STXBP5L: variants seen among roughly 807,000 people sequenced by gnomAD.
The protein encoded by STXBP5L is syntaxin binding protein 5L.
STXBP5L carries 65 observed loss-of-function variants against 144.5 expected under a neutral mutation model. The observed-to-expected ratio is 0.45, with a 90% CI of 0.37 to 0.55. The LOEUF is 0.55. Among genes scored for constraint, STXBP5L ranks in the 20% least tolerant of loss-of-function variants. STXBP5L has a pLI of 0.00. For synonymous variants in STXBP5L, 505 were observed against 469.6 expected, an observed-to-expected ratio of 1.08 and a Z score of -0.97; for missense variants, 1,298 against 1,405.5, an observed-to-expected ratio of 0.92 and a Z score of 1.22.
chr3:121,033,871 A>T (rs913552333), intron 3 of STXBP5L, among the ~76,000 whole-genome samples: 1 of 152,082 alleles, frequency 6.6e-6, no homozygotes, highest in Non-Finnish European at 1.5e-5. Context: ...CATGAATTAA[A>T]CTGATTAATA....
intron 21 of STXBP5L, among the ~76,000 whole-genome samples, chr3:121,380,714 T>TAAC (rs2046304400): frequency 6.6e-6 from 1 of 152,032 alleles, no homozygotes; most frequent in Non-Finnish European, 1.5e-5. Flanking sequence ...GAATTAAAGG[T>TAAC]AACAGCCTGA....
In STXBP5L at chr3:121,348,864, C is replaced by T. The variant is rs150126460; in HGVS notation, c.2177-29852C>T. Among the ~76,000 whole-genome samples, 1,294 of 151,936 alleles carry T rather than the reference C, an allele frequency of 8.5e-3. 28 individuals carry two copies. The highest frequency in any genetic ancestry group is 0.029 in the African/African-American group (1,197 of 41,392). On this transcript the variant is annotated intron_variant, in intron 20 of 26. Coordinates refer to ENST00000471454, the MANE Select transcript of STXBP5L (RefSeq NM_001308330.2). ...CTTCTCTCTTTTCTTCTTTATTATT[C>T]TTACTAGCAGTCTATCAATTTTGTT...
chr3:121,233,239 C>T (rs1247017357), intron 11 of STXBP5L, among the ~76,000 whole-genome samples: 2 of 152,126 alleles, frequency 1.3e-5, no homozygotes, highest in Non-Finnish European at 2.9e-5. Flanking sequence ...ATACTATTCC[C>T]TCAGTACATC....
intron 7 of STXBP5L, among the ~76,000 whole-genome samples, chr3:121,125,137 A>G (rs1326011839): frequency 6.6e-6 from 1 of 152,166 alleles, no homozygotes. Flanking sequence ...GTGAAGTGCA[A>G]GAAGGAACAA....
In STXBP5L at chr3:121,334,636, T is replaced by C. The variant is rs139711212; in HGVS notation, c.2176+16096T>C. 2.8e-3 allele frequency among the ~76,000 whole-genome samples: 428 copies of C among 151,722 alleles called. 4 individuals are homozygous for C. The highest frequency in any genetic ancestry group is 9.7e-3 in the African/African-American group (400 of 41,074). On this transcript the variant is annotated intron_variant, in intron 20 of 26. Transcript: ENST00000471454. ...ATCCAGCAACACATCAAAAAGCTAT[T>C]CCACCACAATCAAGTAGGCTTTATC...
intron 3 of STXBP5L, among the ~76,000 whole-genome samples, chr3:121,009,861 A>G (rs141971782): frequency 6.6e-6 from 1 of 151,912 alleles, no homozygotes; most frequent in African/African-American, 2.4e-5. Flanking sequence ...TGAATGATGA[A>G]TGTTCCCTAT....
rs114252180 is a variant in STXBP5L at position 121,161,663 on chromosome 3, C to T, written c.877+4036C>T. On this transcript the variant is annotated intron_variant, in intron 9 of 26. Coordinates refer to ENST00000471454, the MANE Select transcript of STXBP5L (RefSeq NM_001308330.2). Reference sequence around the variant, plus strand: ...TGGTTGCTGCTGTTGCTGCAAACATCGATTTTTCCTATTCAATGATTTCAA... The same window carrying T: ...TGGTTGCTGCTGTTGCTGCAAACATTGATTTTTCCTATTCAATGATTTCAA... Among the ~76,000 whole-genome samples, 471 of 151,966 alleles carry T rather than the reference C, an allele frequency of 3.1e-3. 6 individuals carry two copies. Among genetic ancestry groups the T allele is most frequent in the African/African-American group, 0.011 (450 of 41,490 alleles).
chr3:121,162,467 C>T (rs1460403091), intron 9 of STXBP5L, among the ~76,000 whole-genome samples: 1 of 152,084 alleles, frequency 6.6e-6, no homozygotes, highest in African/African-American at 2.4e-5. Flanking sequence ...CATAAAAACC[C>T]TAGAAGAAAA....
chr3:120,959,890 C>A (rs925114092), intron 3 of STXBP5L, among the ~76,000 whole-genome samples: 1 of 152,000 alleles, frequency 6.6e-6, no homozygotes, highest in African/African-American at 2.4e-5. Flanking sequence ...GCAACAAAAG[C>A]CAAAATTGAC....
chr3:121,412,085 A>G (rs1026284871), intron 23 of STXBP5L, among the ~76,000 whole-genome samples: 1 of 152,180 alleles, frequency 6.6e-6, no homozygotes, highest in African/African-American at 2.4e-5. Flanking sequence ...TTGGATCTTA[A>G]GACCCATGTC....
chr3:120,960,551 CAT>C (rs1938649289), intron 3 of STXBP5L, among the ~76,000 whole-genome samples: 1 of 152,158 alleles, frequency 6.6e-6, no homozygotes, highest in South Asian at 2.1e-4. Flanking sequence ...AAATATGACA[CAT>C]ATACACCATG....
intron 22 of STXBP5L, among the ~76,000 whole-genome samples, chr3:121,390,922 G>A (rs1049967969): frequency 1.3e-5 from 2 of 152,112 alleles, no homozygotes; most frequent in African/African-American, 2.4e-5. Context: ...GAATTTGAAT[G>A]TTGGCCTGCC....
chr3:121,090,230 G>T (rs2042711094), intron 5 of STXBP5L, among the ~76,000 whole-genome samples: 2 of 152,216 alleles, frequency 1.3e-5, no homozygotes, highest in East Asian at 1.9e-4. Context: ...GCAGGGGAAG[G>T]TCAGATGTTG....
chr3:121,214,370 C>G (rs745741090), intron 10 of STXBP5L, among the ~76,000 whole-genome samples: 33 of 152,270 alleles, frequency 2.2e-4, no homozygotes, highest in Non-Finnish European at 4.6e-4. Context: ...TCTCTAAACA[C>G]TGATTTAGCT....
intron 19 of STXBP5L, among the ~76,000 whole-genome samples, chr3:121,290,603 AAAAAG>A (rs1354712681): frequency 1.3e-5 from 2 of 152,144 alleles, no homozygotes; most frequent in Non-Finnish European, 2.9e-5. Flanking sequence ...GGACATAACA[AAAAAG>A]AAGACTACAG....
intron 2 of STXBP5L, among the ~76,000 whole-genome samples, chr3:120,951,025 C>A (rs1426172460): frequency 6.6e-6 from 1 of 152,176 alleles, no homozygotes; most frequent in East Asian, 1.9e-4. Flanking sequence ...TGATCTTTGA[C>A]AAACCTGAGA....
chr3:121,127,535 ATCT>A (rs2044765262), intron 7 of STXBP5L, among the ~76,000 whole-genome samples: 1 of 151,540 alleles, frequency 6.6e-6, no homozygotes. Context: ...TTTTCACATG[ATCT>A]TCTCTATGTC....
intron 1 of STXBP5L, chr3:120,909,126 T>TA (rs1708693569): frequency 6.6e-6 from 1 of 152,566 alleles, no homozygotes; most frequent in Non-Finnish European, 1.5e-5. Flanking sequence ...TTTCTGAAAA[T>TA]AAAATACTCT....
chr3:120,993,349 G>T (rs73187406), intron 3 of STXBP5L, among the ~76,000 whole-genome samples: 12 of 151,916 alleles, frequency 7.9e-5, no homozygotes, highest in African/African-American at 2.9e-4. Context: ...TTTTTGTTGC[G>T]TATGCTTTTA....
Sources: allele counts gnomAD v4.1 joint callset (sites outside exome capture counted in the v4.1 genomes callset), GRCh38; gene constraint gnomAD v4.1.1; transcripts MANE v1.5; gene names NCBI Gene and HGNC (gene_info 2026-07-23, HGNC 2026-07-21).